Variants in DNER observed in about 807,000 individuals in gnomAD.
DNER encodes delta/notch like EGF repeat containing.
In DNER, 33 loss-of-function variants were observed where a neutral mutation model predicts 78.2. That is an observed-to-expected ratio of 0.42 (90% CI 0.32 to 0.56). The LOEUF is 0.56. Among genes scored for constraint, DNER ranks in the 20% least tolerant of loss-of-function variants. The pLI, the probability that DNER is intolerant of heterozygous loss-of-function variation, is 0.11. For synonymous variants in DNER, 417 were observed against 384.8 expected (o/e 1.08, Z -0.98); for missense variants, 918 against 975.3 (o/e 0.94, Z 0.78).
chr2:229,418,114 A>G lies in DNER; in HGVS notation c.1603T>C (p.Tyr535His). Residue 535 changes from tyrosine to histidine, a missense_variant, in exon 9 of 13, where the codon TAC becomes CAC. Tyr to His is a moderately conservative substitution (Grantham distance 83). Transcript: ENST00000341772. ...NGYECVCLAEYKGTHCELYKD... is the reference protein window; with the variant it reads ...NGYECVCLAEHKGTHCELYKD... ...AGGCCAGGCGGCCTCTCACCTTTGT[A>G]TTCTGCCAGGCACACACACTCATAG... The G allele has an allele frequency of 6.2e-7, 1 of 1,614,186 alleles. No homozygotes were observed. The highest frequency in any genetic ancestry group is 8.5e-7 in the Non-Finnish European group (1 of 1,180,004).
At chr2:229,683,444 C>T (rs933899872) in intron 1 of DNER, among the ~76,000 whole-genome samples, 12 of 151,954 alleles carry the variant, frequency 7.9e-5, no homozygotes, top group African/African-American at 2.9e-4. Context: ...AAAGAAAATG[C>T]ACAGTAAAGA....
intron 7 of DNER, among the ~76,000 whole-genome samples, chr2:229,462,935 C>T (rs549027810): frequency 3.9e-5 from 6 of 152,130 alleles, no homozygotes; most frequent in African/African-American, 1.5e-4. Context: ...GAGTTGACTC[C>T]TCCTTATGTC....
At chr2:229,446,880 A>G (rs1437088983) in intron 8 of DNER, among the ~76,000 whole-genome samples, 2 of 152,242 alleles carry the variant, frequency 1.3e-5, no homozygotes, top group Non-Finnish European at 2.9e-5. Flanking sequence ...CGTGCTTTTC[A>G]TGCACGTTAA....
At chr2:229,484,210 G>A (rs1695224678) in intron 6 of DNER, among the ~76,000 whole-genome samples, 1 of 152,128 alleles carries the variant, frequency 6.6e-6, no homozygotes, top group South Asian at 2.1e-4. Context: ...TATCGAGAAC[G>A]GCCTGGGTAA....
intron 11 of DNER, among the ~76,000 whole-genome samples, chr2:229,380,033 G>A (rs941991798): frequency 2.0e-5 from 3 of 152,218 alleles, no homozygotes; most frequent in Non-Finnish European, 4.4e-5. Context: ...CACTTTGGCT[G>A]CATGAACCAA....
rs189473679 is a variant in DNER, at chr2:229,406,210, G to A, written c.1723+1022C>T. On this transcript the variant is annotated intron_variant, in intron 10 of 12. Coordinates refer to ENST00000341772, the MANE Select transcript of DNER (RefSeq NM_139072.4). Reference sequence around the variant, plus strand: ...GAGGTGGCCACAGTGGCTTAGCAGGGGAGAGGTGGACACAGCAAGATGCTC... The same window carrying A: ...GAGGTGGCCACAGTGGCTTAGCAGGAGAGAGGTGGACACAGCAAGATGCTC... 1.4e-4 allele frequency among the ~76,000 whole-genome samples: 22 copies of A among 152,266 alleles called. No homozygotes were observed. The East Asian group carries it at 3.7e-3, about 25-fold the overall frequency.
At chr2:229,427,368 A>G (rs1438398234) in intron 8 of DNER, among the ~76,000 whole-genome samples, 5 of 152,192 alleles carry the variant, frequency 3.3e-5, no homozygotes, top group Non-Finnish European at 5.9e-5. Context: ...TTCATTCTTT[A>G]AGTCAACAAA....
At chr2:229,519,264 C>T (rs915200288) in intron 5 of DNER, among the ~76,000 whole-genome samples, 30 of 152,272 alleles carry the variant, frequency 2.0e-4, no homozygotes, top group Middle Eastern at 3.4e-3. Context: ...CTCTCAGTAA[C>T]GCCTGTGTGT....
chr2:229,574,863 G>A (rs1309112228), intron 4 of DNER, among the ~76,000 whole-genome samples: 1 of 152,016 alleles, frequency 6.6e-6, no homozygotes, highest in Non-Finnish European at 1.5e-5. Flanking sequence ...ATAAAAAAAG[G>A]CAATTTAAAA....
chr2:229,636,561 C>T (rs546461072), intron 1 of DNER, among the ~76,000 whole-genome samples: 76 of 152,318 alleles, frequency 5.0e-4, no homozygotes, highest in African/African-American at 1.7e-3. Flanking sequence ...TGTCCAAAAG[C>T]GTAGCTCACT....
intron 7 of DNER, among the ~76,000 whole-genome samples, chr2:229,463,079 G>A (rs1199150863): frequency 6.6e-6 from 1 of 152,028 alleles, no homozygotes; most frequent in Non-Finnish European, 1.5e-5. Context: ...AATGAAATAG[G>A]TGTGTATTGG....
At chr2:229,541,984 A>T (rs1043378163) in intron 5 of DNER, among the ~76,000 whole-genome samples, 5 of 147,160 alleles carry the variant, frequency 3.4e-5, no homozygotes, top group African/African-American at 1.2e-4. Flanking sequence ...TATACAATCT[A>T]TATTATATAA....
intron 4 of DNER, among the ~76,000 whole-genome samples, chr2:229,564,250 C>G (rs759454744): frequency 1.3e-5 from 2 of 148,376 alleles, no homozygotes; most frequent in Non-Finnish European, 3.0e-5. Flanking sequence ...AACATCATGA[C>G]AGCATCACCA....
At chr2:229,712,439 A>G (rs1003172648) in intron 1 of DNER, among the ~76,000 whole-genome samples, 11 of 152,304 alleles carry the variant, frequency 7.2e-5, no homozygotes, top group South Asian at 2.1e-4. Context: ...CTTTCTTCTC[A>G]TGTAAATCGA....
At chr2:229,436,583 G>T (rs2106357593) in intron 8 of DNER, among the ~76,000 whole-genome samples, 1 of 152,272 alleles carries the variant, frequency 6.6e-6, no homozygotes, top group Middle Eastern at 3.4e-3. Context: ...AACTCCATCA[G>T]ACTAACAGCA....
At chr2:229,515,583 T>G (rs1370156096) in intron 5 of DNER, among the ~76,000 whole-genome samples, 1 of 152,158 alleles carries the variant, frequency 6.6e-6, no homozygotes, top group Non-Finnish European at 1.5e-5. Flanking sequence ...GAAAATATGC[T>G]GCTTATGGAA....
intron 1 of DNER, among the ~76,000 whole-genome samples, chr2:229,704,601 C>T (rs534650766): frequency 7.1e-4 from 14 of 19,602 alleles, no homozygotes; most frequent in East Asian, 6.4e-3. Flanking sequence ...ACATGTATGA[C>T]GTTCTAGAAA....
chr2:229,571,154 G>T (rs6754996), intron 4 of DNER, among the ~76,000 whole-genome samples: 145,694 of 151,894 alleles, frequency 0.96, 70,203 homozygotes, highest in Middle Eastern at 1. Context: ...GAGGTCAGAT[G>T]TGAGATCTGT....
chr2:229,388,143 G>A, intron 11 of DNER, 122 bp downstream of exon 11: 1 of 1,399,848 alleles, frequency 7.1e-7, no homozygotes, highest in Non-Finnish European at 9.5e-7. Context: ...GGGACTCACT[G>A]CCTCATCTGC....
Sources: allele counts gnomAD v4.1 joint callset (sites outside exome capture counted in the v4.1 genomes callset), GRCh38; gene constraint gnomAD v4.1.1; transcripts MANE v1.5; gene names NCBI Gene and HGNC (gene_info 2026-07-23, HGNC 2026-07-21).